SUN2: variants seen among roughly 807,000 people sequenced by gnomAD.
SUN2 encodes Sad1 and UNC84 domain containing 2, also known as SUN domain-containing protein 2.
A neutral mutation model predicts 100.0 loss-of-function variants in SUN2; 60 were observed. The observed-to-expected ratio is 0.60, with a 90% CI of 0.49 to 0.74. SUN2 has a LOEUF of 0.74. SUN2 is among the 30% of genes least tolerant of loss of function. The probability of loss-of-function intolerance (pLI) is 0.00; values close to 1 mark genes in which losing one functional copy is unlikely to be tolerated. For missense variants in SUN2, 834 were observed against 954.6 expected, an observed-to-expected ratio of 0.87 and a Z score of 1.66; for synonymous variants, 367 against 403.3, an observed-to-expected ratio of 0.91 and a Z score of 1.08.
Position 38,740,370 on chromosome 22 carries a change from A to C in SUN2, c.1253T>G (p.Leu418Arg). The part of the protein sequence containing the change: ...VKELRRLEDQ[L>R]AGLQQELAAL... Reference sequence around the variant, plus strand: ...CGCCAGCTCCTGCTGCAGGCCGGCCAGCTGGTCCTCCAGCCGCCTCAGCTC... The same window carrying C: ...CGCCAGCTCCTGCTGCAGGCCGGCCCGCTGGTCCTCCAGCCGCCTCAGCTC... The change falls in exon 12 of 18, where the codon CTG becomes CGG. Residue 418 changes from leucine (L) to arginine (R), a missense_variant. Transcript: ENST00000689035. This position sits in a 1 kb window ranked among gnomAD's most constrained non-coding sequence, Gnocchi z 4.8. The C allele has an allele frequency of 1.3e-6, 2 of 1,577,922 alleles. No individual in the cohort carries two copies. Among genetic ancestry groups the C allele is most frequent in the Non-Finnish European group, 1.7e-6 (2 of 1,161,664 alleles).
intron 3 of SUN2, 82 bp downstream of exon 3, chr22:38,751,128 G>A (rs755880402): frequency 1.2e-5 from 20 of 1,605,122 alleles, no homozygotes; most frequent in Admixed American, 8.4e-5. Flanking sequence ...AGGGAATCCC[G>A]GGGACTGCAG....
At chr22:38,753,588 C>T (rs1426422951) in intron 1 of SUN2, among the ~76,000 whole-genome samples, 4 of 152,172 alleles carry the variant, frequency 2.6e-5, no homozygotes, top group South Asian at 2.1e-4. Flanking sequence ...CTCCCACCTA[C>T]GTCCTGATGG....
intron 2 of SUN2, 153 bp from the exon 3 acceptor site, chr22:38,751,526 C>A (rs1192178305): frequency 2.8e-6 from 2 of 715,308 alleles, no homozygotes; most frequent in East Asian, 5.4e-5. Flanking sequence ...CTGACTCTCC[C>A]AATGCTGGCA....
At chr22:38,748,247 G>A (rs1340019006) in intron 7 of SUN2, among the ~76,000 whole-genome samples, 5 of 152,244 alleles carry the variant, frequency 3.3e-5, no homozygotes, top group Non-Finnish European at 7.3e-5. Context: ...CTGAGAGGTG[G>A]AGGTTGTGGT....
Position 38,738,457 on chromosome 22 carries a change from C to T in SUN2, c.1947+130G>A. 1 of 1,318,002 alleles carries T rather than the reference C, an allele frequency of 7.6e-7. No individual in the cohort carries two copies. The highest frequency in any genetic ancestry group is 1.1e-6 in the Non-Finnish European group (1 of 947,664). The allele number at this position is 1,318,002 out of a possible 1,614,324, so 81.6% of individuals were successfully genotyped here. On this transcript the variant is annotated intron_variant, in intron 16 of 17. Transcript: ENST00000689035. This position sits in a 1 kb window ranked among gnomAD's most constrained non-coding sequence, Gnocchi z 6.6. The stretch of plus-strand genomic sequence containing the variant: ...AGGGACTGAAGTGCTGTCTCCCACC[C>T]TAGCTCCTCCTCTTCCAAATCCACT...
chr22:38,750,616 C>T lies in SUN2; in HGVS notation c.424+282G>A, dbSNP rs117119636. On this transcript the variant is annotated intron_variant, in intron 4 of 17. Transcript: ENST00000689035. ...TGACTGAGCACCCACCATGTGTGAG[C>T]CCCACAGGAAAGTGCTGGAATGGGC... is the stretch of plus-strand genomic sequence containing the variant. Among the ~76,000 whole-genome samples, 788 of 152,362 alleles carry T rather than the reference C, an allele frequency of 5.2e-3. 3 individuals carry two copies. The highest frequency in any genetic ancestry group is 8.4e-3 in the Admixed American group (128 of 15,304).
chr22:38,739,859 T>TCTCC lies in SUN2; in HGVS notation c.1437_1440dup (p.Met481GlyfsTer62), dbSNP rs2092839166. ...TCCAGCTCTCGCAGCTGAGCTTGCA[T>TCTCC]CTCCTCTCTCTGAAGGAGCCCCACG... is the stretch of plus-strand genomic sequence containing the variant. On this transcript the variant is annotated frameshift_variant, in exon 13 of 18. Coordinates refer to ENST00000689035, the MANE Select transcript of SUN2 (RefSeq NM_015374.3). LOFTEE classifies it high-confidence loss of function. The surrounding 1 kb of genome is among the most constrained non-coding windows in gnomAD (Gnocchi z 6.7). 1 of 1,613,508 alleles carries TCTCC rather than the reference T, an allele frequency of 6.2e-7. No homozygotes were observed. Among genetic ancestry groups the TCTCC allele is most frequent in the East Asian group, 2.2e-5 (1 of 44,880 alleles).
intron 7 of SUN2, among the ~76,000 whole-genome samples, chr22:38,747,013 G>A (rs909706075): frequency 4.7e-5 from 7 of 148,604 alleles, no homozygotes; most frequent in East Asian, 2.0e-4. Flanking sequence ...CAGCCTGGGC[G>A]ACAGACTCCA....
rs2092848101 is a variant in SUN2, at chr22:38,740,569, G to A, written c.1191-137C>T. On this transcript the variant is annotated intron_variant, in intron 11 of 17. Transcript: ENST00000689035. This position sits in a 1 kb window ranked among gnomAD's most constrained non-coding sequence, Gnocchi z 4.8. ...AGCACTCATTGTGAACCTGAGAAGGGGCAAGGCCTCTCCTGGGGGTTCTGG... is the reference window on the plus strand; with the variant it reads ...AGCACTCATTGTGAACCTGAGAAGGAGCAAGGCCTCTCCTGGGGGTTCTGG... 2 of 942,444 alleles carry A rather than the reference G, an allele frequency of 2.1e-6. No homozygotes were observed. The highest frequency in any genetic ancestry group is 3.4e-5 in the African/African-American group (2 of 59,148). The allele number at this position is 942,444 out of a possible 1,614,324, so 58.4% of individuals were successfully genotyped here.
In SUN2 at chr22:38,755,814, C is replaced by T; in HGVS notation, c.-89G>A. On this transcript the variant is annotated 5_prime_UTR_variant, in exon 1 of 18. Transcript: ENST00000689035. This position sits in a 1 kb window ranked among gnomAD's most constrained non-coding sequence, Gnocchi z 5.7. ...GCCGGGGGCGTCCGAGGCCAGGCCGCCGCCGGGGCGCGCCCCCTTTCCGCG... is the reference window on the plus strand; with the variant it reads ...GCCGGGGGCGTCCGAGGCCAGGCCGTCGCCGGGGCGCGCCCCCTTTCCGCG... 1.0e-6 allele frequency: 1 copy of T among 983,798 alleles called. No individual in the cohort carries two copies. The highest frequency in any genetic ancestry group is 1.2e-6 in the Non-Finnish European group (1 of 829,370). 60.9% of individuals were successfully genotyped at this position (983,798 alleles called of 1,614,324 possible). A position where few individuals can be genotyped will look rare whatever the true frequency, so the allele number is the denominator to read the frequency against.
chr22:38,744,095 G>A (rs1400390422), intron 8 of SUN2, among the ~76,000 whole-genome samples: 2 of 151,818 alleles, frequency 1.3e-5, no homozygotes, highest in African/African-American at 4.8e-5. Context: ...AAAAAAATTA[G>A]CTGGCATGGT....
intron 2 of SUN2, 113 bp from the exon 3 acceptor site, chr22:38,751,486 G>T: frequency 8.5e-7 from 1 of 1,175,242 alleles, no homozygotes; most frequent in Non-Finnish European, 1.2e-6. Flanking sequence ...GGGTTCCCTT[G>T]TTGCTAGGCA....
In SUN2 at chr22:38,755,262, C is replaced by T. The variant is rs2092976932; in HGVS notation, c.-38+501G>A. Reference sequence around the variant, plus strand: ...CTAACTCCCTCTGCCCTCATTCCCACAGGCCAAACCTGCAGAAATTGTCAC... The same window carrying T: ...CTAACTCCCTCTGCCCTCATTCCCATAGGCCAAACCTGCAGAAATTGTCAC... On this transcript the variant is annotated intron_variant, in intron 1 of 17. Transcript: ENST00000689035. This position sits in a 1 kb window ranked among gnomAD's most constrained non-coding sequence, Gnocchi z 5.7. 2 of 1,141,428 alleles carry T rather than the reference C, an allele frequency of 1.8e-6. No individual in the cohort carries two copies. Among genetic ancestry groups the T allele is most frequent in the East Asian group, 6.6e-5 (1 of 15,146 alleles). The allele number at this position is 1,141,428 out of a possible 1,614,324, so 70.7% of individuals were successfully genotyped here. A position where few individuals can be genotyped will look rare whatever the true frequency, so the allele number is the denominator to read the frequency against.
intron 4 of SUN2, 153 bp from the exon 5 acceptor site, chr22:38,750,473 C>T: frequency 3.5e-6 from 5 of 1,441,344 alleles, no homozygotes; most frequent in Non-Finnish European, 4.7e-6. Flanking sequence ...GAAATGGGAG[C>T]TCTTTGACAT....
rs750387159 is a variant in SUN2, at chr22:38,755,326, C to T, written c.-38+437G>A. 5.5e-5 allele frequency: 60 copies of T among 1,095,474 alleles called. No homozygotes were observed. Among genetic ancestry groups the T allele is most frequent in the Non-Finnish European group, 6.5e-5 (58 of 893,836 alleles). The allele number at this position is 1,095,474 out of a possible 1,614,324, so 67.9% of individuals were successfully genotyped here. On this transcript the variant is annotated intron_variant, in intron 1 of 17. Transcript: ENST00000689035. The surrounding 1 kb of genome is among the most constrained non-coding windows in gnomAD (Gnocchi z 5.7). ...CCTGGCTCTCTAAGTCACACCGCGC[C>T]CCCCATTGCTTTGTTTTGTTTTGTT...
At position 38,748,696 on chromosome 22, in the gene SUN2, T is replaced by G. The variant is rs2092922064; in HGVS notation, c.685+17A>C. The G allele has an allele frequency of 6.2e-7, 1 of 1,613,878 alleles. No individual in the cohort carries two copies. The highest frequency in any genetic ancestry group is 1.7e-5 in the Admixed American group (1 of 59,994). On this transcript the variant is annotated intron_variant, in intron 7 of 17. Coordinates refer to ENST00000689035, the MANE Select transcript of SUN2 (RefSeq NM_015374.3). ...CACATCTCTGTGCCTCCCTCTGCTCTCCCCATGCAGGCTCACCATACGTCA... is the reference window on the plus strand; with the variant it reads ...CACATCTCTGTGCCTCCCTCTGCTCGCCCCATGCAGGCTCACCATACGTCA...
rs996801082 is a variant in SUN2 at position 38,738,132 on chromosome 22, G to A, written c.2040+41C>T. The A allele has an allele frequency of 1.3e-6, 2 of 1,583,350 alleles. No individual in the cohort carries two copies. Among genetic ancestry groups the A allele is most frequent in the African/African-American group, 2.7e-5 (2 of 74,492 alleles). On this transcript the variant is annotated intron_variant, in intron 17 of 17. Transcript: ENST00000689035. The surrounding 1 kb of genome is among the most constrained non-coding windows in gnomAD (Gnocchi z 6.6). Reference sequence around the variant, plus strand: ...CAGGGAGCACCTGCTGCCTGGATGGGGAGTCTGCGCCACTTCTGCTAGCAC... The same window carrying A: ...CAGGGAGCACCTGCTGCCTGGATGGAGAGTCTGCGCCACTTCTGCTAGCAC...
rs1769530788 is a variant in SUN2, at chr22:38,755,462, T to C, written c.-38+301A>G. 3 of 989,702 alleles carry C rather than the reference T, an allele frequency of 3.0e-6. No homozygotes were observed. The highest frequency in any genetic ancestry group is 3.6e-6 in the Non-Finnish European group (3 of 832,074). 61.3% of individuals were successfully genotyped at this position (989,702 alleles called of 1,614,324 possible). A position where few individuals can be genotyped will look rare whatever the true frequency, so the allele number is the denominator to read the frequency against. ...TGTCTGGCACAAAACCCGTAGGCGCTGCCCGGGGCCGGGTTGGGGCAGTCG... is the reference window on the plus strand; with the variant it reads ...TGTCTGGCACAAAACCCGTAGGCGCCGCCCGGGGCCGGGTTGGGGCAGTCG... On this transcript the variant is annotated intron_variant, in intron 1 of 17. Transcript: ENST00000689035. The surrounding 1 kb of genome is among the most constrained non-coding windows in gnomAD (Gnocchi z 5.7).
chr22:38,740,218 T>A lies in SUN2; in HGVS notation c.1356+49A>T. On this transcript the variant is annotated intron_variant, in intron 12 of 17. Transcript: ENST00000689035. The surrounding 1 kb of genome is among the most constrained non-coding windows in gnomAD (Gnocchi z 4.8). Reference sequence around the variant, plus strand: ...TTTGCAGGCCCCAGGACACGTCGTCTCAAAGGAGGAGGAGAGGGACCAGCA... The same window carrying A: ...TTTGCAGGCCCCAGGACACGTCGTCACAAAGGAGGAGGAGAGGGACCAGCA... 6.7e-7 allele frequency: 1 copy of A among 1,489,792 alleles called. No individual in the cohort carries two copies. Among genetic ancestry groups the A allele is most frequent in the Non-Finnish European group, 9.0e-7 (1 of 1,116,888 alleles). 92.3% of individuals were successfully genotyped at this position (1,489,792 alleles called of 1,614,324 possible).
Sources: gnomAD v4.1 joint callset for allele counts (sites outside exome capture counted in the v4.1 genomes callset) on GRCh38, gnomAD v4.1.1 for gene constraint, Gnocchi (gnomAD v3.1) non-coding constraint, MANE v1.5 for transcripts, NCBI Gene and HGNC (gene_info 2026-07-23, HGNC 2026-07-21) for gene names.